CREB1: variants seen among roughly 807,000 people sequenced by gnomAD.
CREB1 encodes cyclic AMP-responsive element-binding protein 1.
A neutral mutation model predicts 42.0 loss-of-function variants in CREB1; 2 were observed. The observed-to-expected ratio is 0.05, with a 90% CI of 0.02 to 0.15. The LOEUF (loss-of-function observed/expected upper bound fraction) is 0.15. CREB1 is among the 10% of genes least tolerant of loss of function. The pLI, the probability that CREB1 is intolerant of heterozygous loss-of-function variation, is 1.00. For missense variants in CREB1, 199 were observed against 388.9 expected, an observed-to-expected ratio of 0.51 and a Z score of 4.11; for synonymous variants, 123 against 139.9, an observed-to-expected ratio of 0.88 and a Z score of 0.85.
In CREB1 at chr2:207,604,759, T is replaced by A. The variant is rs185392351; in HGVS notation, c.*7701T>A. Among the ~76,000 whole-genome samples, 136 of 152,330 alleles carry A rather than the reference T, an allele frequency of 8.9e-4. No homozygotes were observed. Among genetic ancestry groups the A allele is most frequent in the Admixed American group, 1.4e-3 (22 of 15,294 alleles). ...CCATTTTCTCCTCCCACCGCCCTTG[T>A]CCCTGGCAACCACCAATCTGCTTCC... On this transcript the variant is annotated 3_prime_UTR_variant, in exon 8 of 8. Transcript: ENST00000353267.
At chr2:207,575,557 A>G (rs1399590487) in intron 6 of CREB1, 103 bp downstream of exon 6, 4 of 977,010 alleles carry the variant, frequency 4.1e-6, no homozygotes, top group Non-Finnish European at 5.9e-6. Context: ...CACCATTCAA[A>G]TGTAGTTAAC....
intron 2 of CREB1, chr2:207,559,289 T>C (rs1464856470): frequency 1.0e-6 from 1 of 980,410 alleles, no homozygotes; most frequent in East Asian, 1.1e-4. Flanking sequence ...CTTTTTTCTT[T>C]TGTTTTAAAT....
chr2:207,530,863 C>T (rs1422087216), intron 1 of CREB1, among the ~76,000 whole-genome samples: 1 of 151,936 alleles, frequency 6.6e-6, no homozygotes, highest in African/African-American at 2.4e-5. Flanking sequence ...CCCTTTCCCC[C>T]CCGCTCCTAC....
rs897166034 is a variant in CREB1, at chr2:207,552,075, G to A, written c.-8-3553G>A. Among the ~76,000 whole-genome samples, 16 of 143,364 alleles carry A rather than the reference G, an allele frequency of 1.1e-4. No individual in the cohort carries two copies. In the East Asian group the frequency reaches 2.3e-3, roughly 21 times the overall value. The allele number at this position is 143,364 out of a possible 152,430, so 94.1% of individuals were successfully genotyped here. On this transcript the variant is annotated intron_variant, in intron 1 of 7. Coordinates refer to ENST00000353267, the MANE Select transcript of CREB1 (RefSeq NM_004379.5). ...AAAAAAAAAAAAAAAAAATTAAGAA[G>A]GCTATCCTCTACCCTAAAAAGGATT...
chr2:207,532,238 C>G (rs187138940), intron 1 of CREB1, among the ~76,000 whole-genome samples: 1 of 151,604 alleles, frequency 6.6e-6, no homozygotes, highest in Non-Finnish European at 1.5e-5. Flanking sequence ...GCCTGTAATC[C>G]CAGCTACTCG....
intron 7 of CREB1, among the ~76,000 whole-genome samples, chr2:207,587,598 T>C (rs1445476638): frequency 6.6e-6 from 1 of 152,140 alleles, no homozygotes; most frequent in Non-Finnish European, 1.5e-5. Context: ...CACAGTGGTA[T>C]ACTGTCAAGC....
chr2:207,582,147 T>A (rs1368915097), intron 7 of CREB1: 1 of 702,964 alleles, frequency 1.4e-6, no homozygotes, highest in Admixed American at 2.0e-5. Context: ...GGGAGGAGAA[T>A]TAAATTCCAC....
intron 3 of CREB1, among the ~76,000 whole-genome samples, chr2:207,566,648 A>G (rs114210166): frequency 0.037 from 5,585 of 152,174 alleles, 137 homozygotes; most frequent in South Asian, 0.064. Context: ...ACTACTTCCT[A>G]GCTTTGTGAC....
rs146501770 is a variant in CREB1 at position 207,603,887 on chromosome 2, A to G, written c.*6829A>G. ...ATCTCCTATACTATTAACTTCTGAA[A>G]TAAGTTCTGAGACGAGACATCTGAA... On this transcript the variant is annotated 3_prime_UTR_variant, in exon 8 of 8. Transcript: ENST00000353267. Among the ~76,000 whole-genome samples the G allele has an allele frequency of 2.9e-3, 444 of 152,336 alleles. 3 individuals are homozygous for G. Among genetic ancestry groups the G allele is most frequent in the Middle Eastern group, 0.01 (3 of 294 alleles).
intron 5 of CREB1, among the ~76,000 whole-genome samples, chr2:207,571,034 T>TTTTTTTTTTTTTC (rs2082337945): frequency 6.8e-6 from 1 of 147,598 alleles, no homozygotes; most frequent in African/African-American, 2.5e-5. Flanking sequence ...TTTTTTTTTT[T>TTTTTTTTTTTTTC]GCCTCTCAAA....
At chr2:207,581,910 T>G (rs570510061) in intron 7 of CREB1, 108 of 702,906 alleles carry the variant, frequency 1.5e-4, no homozygotes, top group Non-Finnish European at 2.6e-4. Flanking sequence ...CTGTTTTCTT[T>G]TAGAATATCC....
chr2:207,532,294 C>T (rs1170317246), intron 1 of CREB1, among the ~76,000 whole-genome samples: 1 of 150,740 alleles, frequency 6.6e-6, no homozygotes, highest in African/African-American at 2.4e-5. Flanking sequence ...TGCACTTCAG[C>T]CTGGGCGACA....
intron 7 of CREB1, among the ~76,000 whole-genome samples, chr2:207,596,227 A>C (rs1438481238): frequency 6.6e-6 from 1 of 152,158 alleles, no homozygotes; most frequent in African/African-American, 2.4e-5. Context: ...AGAGACTGTT[A>C]GATTTTTTTA....
intron 2 of CREB1, among the ~76,000 whole-genome samples, chr2:207,559,552 A>G (rs1055970335): frequency 1.3e-5 from 2 of 152,230 alleles, no homozygotes; most frequent in African/African-American, 4.8e-5. Flanking sequence ...TTTAGCAAAT[A>G]AAATTCCTAT....
chr2:207,594,136 T>C (rs2085646700), intron 7 of CREB1, among the ~76,000 whole-genome samples: 1 of 152,242 alleles, frequency 6.6e-6, no homozygotes, highest in South Asian at 2.1e-4. Context: ...AAAAAGAATT[T>C]ACTGGTTTAG....
intron 1 of CREB1, among the ~76,000 whole-genome samples, chr2:207,540,002 T>A (rs149890757): frequency 6.6e-6 from 1 of 152,332 alleles, no homozygotes; most frequent in African/African-American, 2.4e-5. Flanking sequence ...AATACAATGA[T>A]AAATTGGGCT....
At position 207,584,233 on chromosome 2, in the gene CREB1, A is replaced by C. The variant is rs924007063; in HGVS notation, c.839+6578A>C. On this transcript the variant is annotated intron_variant, in intron 7 of 7. Transcript: ENST00000353267. The stretch of plus-strand genomic sequence containing the variant: ...ATTTAACTTTTTAAATAAACTGTCC[A>C]ATTGTTTTCCAAAATGGCTGTACCA... Among the ~76,000 whole-genome samples, 4 of 152,278 alleles carry C rather than the reference A, an allele frequency of 2.6e-5. 1 individual carries two copies. The South Asian group carries it at 8.3e-4, about 32-fold the overall frequency.
intron 3 of CREB1, among the ~76,000 whole-genome samples, chr2:207,564,500 T>G (rs2082068614): frequency 6.7e-6 from 1 of 148,652 alleles, no homozygotes; most frequent in African/African-American, 2.5e-5. Context: ...GTGAGTGAGA[T>G]CCTGTCTCTT....
At chr2:207,590,354 T>C (rs1228878459) in intron 7 of CREB1, among the ~76,000 whole-genome samples, 1 of 150,428 alleles carries the variant, frequency 6.6e-6, no homozygotes, top group Non-Finnish European at 1.5e-5. Flanking sequence ...GCCACCCTCC[T>C]TTTTTTTTAA....
Sources: allele counts gnomAD v4.1 joint callset (sites outside exome capture counted in the v4.1 genomes callset), GRCh38; gene constraint gnomAD v4.1.1; transcripts MANE v1.5; gene names NCBI Gene and HGNC (gene_info 2026-07-23, HGNC 2026-07-21).